Variants in EYS observed in about 807,000 individuals in gnomAD.
The protein encoded by EYS is EGF-like photoreceptor maintenance factor, also known as protein eyes shut homolog.
A neutral mutation model predicts 282.1 loss-of-function variants in EYS; 250 were observed. The ratio of observed to expected loss-of-function variants is 0.89; its 90% CI spans 0.80 to 0.98. The LOEUF is 0.98. Ranked by LOEUF, EYS falls within the 50% of genes least tolerant of loss-of-function variation. EYS has a pLI of 0.00. For missense variants in EYS, 4,016 were observed against 3,709.0 expected (o/e 1.08, Z -2.15); for synonymous variants, 1,355 against 1,282.9 (o/e 1.06, Z -1.20).
intron 19 of EYS, among the ~76,000 whole-genome samples, chr6:64,825,483 T>C (rs1481406591): frequency 2.6e-5 from 4 of 151,872 alleles, no homozygotes; most frequent in Non-Finnish European, 4.4e-5. Flanking sequence ...TGTGTGTGGG[T>C]TTATGTGTGC....
At chr6:64,502,219 TG>T (rs989523637) in intron 26 of EYS, among the ~76,000 whole-genome samples, 4 of 125,104 alleles carry the variant, frequency 3.2e-5, no homozygotes, top group South Asian at 2.4e-4. Flanking sequence ...GACAGCAGGC[TG>T]GTTTTTTTTT....
chr6:65,516,083 G>C lies in EYS; in HGVS notation c.-332-20090C>G, dbSNP rs974573257. ...ATAAAGGAAGAAAATGAATGAAAAA[G>C]AAAAGAAGGAAGGAAAGAAATAAGA... On this transcript the variant is annotated intron_variant, in intron 2 of 42. Coordinates refer to ENST00000503581, the MANE Select transcript of EYS (RefSeq NM_001142800.2). Among the ~76,000 whole-genome samples the C allele has an allele frequency of 4.6e-5, 7 of 151,692 alleles. No homozygotes were observed. The South Asian group carries it at 8.3e-4, about 18-fold the overall frequency.
At chr6:64,311,979 G>GTTTTTTTTTTTT (rs61332669) in intron 29 of EYS, among the ~76,000 whole-genome samples, 2,395 of 139,752 alleles carry the variant, frequency 0.017, 90 homozygotes, top group African/African-American at 0.064. Flanking sequence ...GCTGCAGAAG[G>GTTTTTTTTTTTT]TTTTTTTTTT....
intron 21 of EYS, among the ~76,000 whole-genome samples, chr6:64,816,144 G>C (rs1218559522): frequency 6.6e-6 from 1 of 152,062 alleles, no homozygotes; most frequent in African/African-American, 2.4e-5. Flanking sequence ...AAGGGAAACA[G>C]ATACAGAGAG....
chr6:63,843,127 T>A (rs1448794429), intron 36 of EYS, among the ~76,000 whole-genome samples: 1 of 152,198 alleles, frequency 6.6e-6, no homozygotes, highest in Admixed American at 6.5e-5. Context: ...TAAAGTAGGT[T>A]TTTCTAATTC....
At chr6:64,242,747 T>G (rs1414821510) in intron 30 of EYS, among the ~76,000 whole-genome samples, 3 of 151,120 alleles carry the variant, frequency 2.0e-5, no homozygotes, top group Non-Finnish European at 4.4e-5. Flanking sequence ...GATTTTCATA[T>G]GCTGAGGTTC....
chr6:64,159,429 A>G (rs764256832), intron 31 of EYS, among the ~76,000 whole-genome samples: 6 of 151,812 alleles, frequency 4.0e-5, no homozygotes, highest in Non-Finnish European at 7.4e-5. Context: ...GTGTGGTGGC[A>G]GGCACCTGTA....
intron 30 of EYS, among the ~76,000 whole-genome samples, chr6:64,232,056 T>C (rs1582459776): frequency 6.6e-6 from 1 of 152,166 alleles, no homozygotes; most frequent in African/African-American, 2.4e-5. Flanking sequence ...TGTCAACTTA[T>C]TGGAACAAAA....
At chr6:64,997,959 T>C (rs560277645) in intron 13 of EYS, among the ~76,000 whole-genome samples, 24 of 152,284 alleles carry the variant, frequency 1.6e-4, no homozygotes, top group Admixed American at 1.4e-3. Context: ...TGGTAATAGT[T>C]TGCAAAGCAA....
At chr6:65,160,676 G>T (rs188774194) in intron 12 of EYS, among the ~76,000 whole-genome samples, 1 of 150,536 alleles carries the variant, frequency 6.6e-6, no homozygotes, top group Non-Finnish European at 1.5e-5. Flanking sequence ...TTCATCCCAC[G>T]TTAAAGATGG....
chr6:65,291,337 C>T (rs1277691758), intron 12 of EYS, among the ~76,000 whole-genome samples: 1 of 151,500 alleles, frequency 6.6e-6, no homozygotes, highest in Non-Finnish European at 1.5e-5. Flanking sequence ...TCCTCCTGCA[C>T]ACTGTTGGTT....
chr6:65,001,040 C>T lies in EYS; in HGVS notation c.2138-3337G>A, dbSNP rs538809967. 6.6e-5 allele frequency among the ~76,000 whole-genome samples: 10 copies of T among 152,276 alleles called. 1 individual carries two copies. Among genetic ancestry groups the T allele is most frequent in the African/African-American group, 2.4e-4 (10 of 41,568 alleles). On this transcript the variant is annotated intron_variant, in intron 13 of 42. Transcript: ENST00000503581. ...AGATAGGCAGGTGCAGAGGCCAGGGCGAGTGCTTTGGGCTCTGGACCTGTG... is the reference window on the plus strand; with the variant it reads ...AGATAGGCAGGTGCAGAGGCCAGGGTGAGTGCTTTGGGCTCTGGACCTGTG...
At chr6:63,969,115 T>C (rs1045860138) in intron 35 of EYS, among the ~76,000 whole-genome samples, 2 of 152,234 alleles carry the variant, frequency 1.3e-5, no homozygotes, top group Non-Finnish European at 2.9e-5. Context: ...ATATATTTTG[T>C]CACTTATATG....
intron 13 of EYS, among the ~76,000 whole-genome samples, chr6:65,015,634 C>T (rs1350279073): frequency 6.6e-6 from 1 of 151,994 alleles, no homozygotes; most frequent in Non-Finnish European, 1.5e-5. Flanking sequence ...AGCTAAGGCA[C>T]ATTTTATCTG....
At chr6:65,098,179 C>A (rs181418726) in intron 12 of EYS, among the ~76,000 whole-genome samples, 13 of 150,522 alleles carry the variant, frequency 8.6e-5, no homozygotes, top group Admixed American at 8.0e-4. Flanking sequence ...TTTTCTTTTC[C>A]ATTGCAGTAG....
chr6:64,108,357 G>A (rs1452495803), intron 31 of EYS, among the ~76,000 whole-genome samples: 2 of 151,980 alleles, frequency 1.3e-5, no homozygotes, highest in Non-Finnish European at 2.9e-5. Context: ...CCAATGTTGA[G>A]GGCTGTTGTT....
chr6:63,839,840 A>T (rs1461566495), intron 36 of EYS, among the ~76,000 whole-genome samples: 1 of 152,176 alleles, frequency 6.6e-6, no homozygotes, highest in Non-Finnish European at 1.5e-5. Flanking sequence ...TTTCACCAAC[A>T]GTAATGTAAG....
At chr6:65,558,728 T>C (rs910855817) in intron 2 of EYS, among the ~76,000 whole-genome samples, 12 of 152,234 alleles carry the variant, frequency 7.9e-5, no homozygotes, top group African/African-American at 2.4e-4. Context: ...ACCTTTCTAC[T>C]TGACCCCAAG....
chr6:65,565,350 C>G (rs1474995581), intron 2 of EYS, among the ~76,000 whole-genome samples: 1 of 150,336 alleles, frequency 6.7e-6, no homozygotes, highest in Non-Finnish European at 1.5e-5. Flanking sequence ...TGAAAAAAAG[C>G]TCACCATCAC....
Sources: gnomAD v4.1 joint callset for allele counts (sites outside exome capture counted in the v4.1 genomes callset) on GRCh38, gnomAD v4.1.1 for gene constraint, MANE v1.5 for transcripts, NCBI Gene and HGNC (gene_info 2026-07-23, HGNC 2026-07-21) for gene names.